The following ACVR1C variants were observed in gnomAD, a reference collection of about 807,000 sequenced individuals.
ACVR1C encodes activin A receptor type 1C.
In ACVR1C, 23 loss-of-function variants were observed where a neutral mutation model predicts 57.9. The ratio of observed to expected loss-of-function variants is 0.40; its 90% confidence interval spans 0.29 to 0.56. ACVR1C has a LOEUF of 0.56. Among genes scored for constraint, ACVR1C ranks in the 20% least tolerant of loss-of-function variants. ACVR1C has a pLI of 0.50. For synonymous variants in ACVR1C, 214 were observed against 215.3 expected (o/e 0.99, Z 0.05); for missense variants, 480 against 607.9 (o/e 0.79, Z 2.21).
In ACVR1C at chr2:157,527,170, T is replaced by C. The variant is rs1265666387; in HGVS notation, c.*6748A>G. The C allele has an allele frequency of 6.6e-6, 1 of 152,170 alleles. No homozygotes were observed. Among genetic ancestry groups the C allele is most frequent in the Non-Finnish European group, 1.5e-5 (1 of 68,016 alleles). 9.4% of individuals were successfully genotyped at this position (152,170 alleles called of 1,614,324 possible). On this transcript the variant is annotated 3_prime_UTR_variant, in exon 9 of 9. Transcript: ENST00000243349. ...TTCATTTCTCTTTGGAGTTTGAAAT[T>C]CTCTTCACCTTCCACATTTAAATTA...
rs1206921026 is a variant in ACVR1C, at chr2:157,534,464, A to C, written c.1357-421T>G. Among the ~76,000 whole-genome samples, 5 of 152,198 alleles carry C rather than the reference A, an allele frequency of 3.3e-5. No homozygotes were observed. The South Asian group carries it at 8.3e-4, about 25-fold the overall frequency. On this transcript the variant is annotated intron_variant, in intron 8 of 8. Coordinates refer to ENST00000243349, the MANE Select transcript of ACVR1C (RefSeq NM_145259.3). ...TGTTTCAATCCACTGATTTCTGGGA[A>C]TATGGGACATGAAAAACATCAAGGG...
intron 2 of ACVR1C, among the ~76,000 whole-genome samples, chr2:157,581,914 A>T (rs1301357094): frequency 1.3e-5 from 2 of 152,184 alleles, no homozygotes; most frequent in African/African-American, 4.8e-5. Context: ...CTACAGGCAG[A>T]GGGGGAGATG....
chr2:157,599,088 A>G (rs1011412056), intron 1 of ACVR1C, among the ~76,000 whole-genome samples: 3 of 152,016 alleles, frequency 2.0e-5, no homozygotes, highest in Non-Finnish European at 2.9e-5. Context: ...TAATACCAGC[A>G]CTTTGGGAGG....
At chr2:157,626,398 C>A (rs891106259) in intron 1 of ACVR1C, among the ~76,000 whole-genome samples, 10 of 152,334 alleles carry the variant, frequency 6.6e-5, no homozygotes, top group Admixed American at 6.5e-4. Flanking sequence ...GGGGAATGAG[C>A]AGCCAAAGTA....
At position 157,614,015 on chromosome 2, in the gene ACVR1C, C is replaced by T. The variant is rs1367666155; in HGVS notation, c.73+14557G>A. Among the ~76,000 whole-genome samples, 13 of 152,120 alleles carry T rather than the reference C, an allele frequency of 8.5e-5. No individual in the cohort carries two copies. In the South Asian group the frequency reaches 1.0e-3, roughly 12 times the overall value. Reference sequence around the variant, plus strand: ...GACTTTTTTGTTAGATGTTTTCAAGCTTTGAGCTATAAAATGAATGTCTTT... The same window carrying T: ...GACTTTTTTGTTAGATGTTTTCAAGTTTTGAGCTATAAAATGAATGTCTTT... On this transcript the variant is annotated intron_variant, in intron 1 of 8. Coordinates refer to ENST00000243349, the MANE Select transcript of ACVR1C (RefSeq NM_145259.3).
At chr2:157,566,907 G>T (rs1424347288) in intron 2 of ACVR1C, among the ~76,000 whole-genome samples, 3 of 149,982 alleles carry the variant, frequency 2.0e-5, no homozygotes, top group East Asian at 2.0e-4. Context: ...TCCACCTCTG[G>T]GGGCAGGGCA....
chr2:157,604,454 A>G (rs1682349569), intron 1 of ACVR1C, among the ~76,000 whole-genome samples: 1 of 152,000 alleles, frequency 6.6e-6, no homozygotes, highest in African/African-American at 2.4e-5. Flanking sequence ...ATGCATATAC[A>G]ACCATTTGTT....
chr2:157,588,848 CAT>C (rs71402394), intron 1 of ACVR1C, among the ~76,000 whole-genome samples: 6,977 of 89,008 alleles, frequency 0.078, 321 homozygotes, highest in Admixed American at 0.17. Context: ...ACAAACACAC[CAT>C]ATATATATAT....
chr2:157,527,622 T>C lies in ACVR1C; in HGVS notation c.*6296A>G, dbSNP rs1687258361. On this transcript the variant is annotated 3_prime_UTR_variant, in exon 9 of 9. Coordinates refer to ENST00000243349, the MANE Select transcript of ACVR1C (RefSeq NM_145259.3). The stretch of plus-strand genomic sequence containing the variant: ...CAAGTTTGAATAATCTTCTCCAGTC[T>C]AGAATCAGAAGAGTACATGAGCTTG... 1 of 152,172 alleles carries C rather than the reference T, an allele frequency of 6.6e-6. No homozygotes were observed. Among genetic ancestry groups the C allele is most frequent in the Non-Finnish European group, 1.5e-5 (1 of 68,028 alleles). 9.4% of individuals were successfully genotyped at this position (152,172 alleles called of 1,614,324 possible).
At chr2:157,545,164 A>G (rs1211939863) in intron 4 of ACVR1C, among the ~76,000 whole-genome samples, 1 of 152,218 alleles carries the variant, frequency 6.6e-6, no homozygotes, top group African/African-American at 2.4e-5. Context: ...GACATTTTCA[A>G]ATAATTTACC....
intron 2 of ACVR1C, among the ~76,000 whole-genome samples, chr2:157,585,839 C>T (rs1688910292): frequency 6.6e-6 from 1 of 152,156 alleles, no homozygotes; most frequent in South Asian, 2.1e-4. Context: ...AAATCCACGA[C>T]TGCAAGTAGT....
intron 2 of ACVR1C, among the ~76,000 whole-genome samples, chr2:157,572,347 C>T (rs1398019499): frequency 2.1e-5 from 3 of 145,662 alleles, no homozygotes; most frequent in African/African-American, 7.7e-5. Context: ...GCACATGTAC[C>T]CCAAAACTTA....
chr2:157,550,460 G>C (rs1162160324), intron 3 of ACVR1C, 68 bp from the exon 4 acceptor site: 1 of 1,413,010 alleles, frequency 7.1e-7, no homozygotes, highest in Non-Finnish European at 9.8e-7. Flanking sequence ...AATAATCACT[G>C]TTTTCAGATT....
chr2:157,547,517 G>A (rs1558971713), intron 4 of ACVR1C, among the ~76,000 whole-genome samples: 1 of 138,298 alleles, frequency 7.2e-6, no homozygotes, highest in African/African-American at 2.7e-5. Flanking sequence ...ATTCTAACTG[G>A]TGTGAGATGG....
intron 1 of ACVR1C, among the ~76,000 whole-genome samples, chr2:157,610,586 A>C (rs1430064213): frequency 6.6e-6 from 1 of 152,164 alleles, no homozygotes; most frequent in Non-Finnish European, 1.5e-5. Context: ...ATCTCTTGCT[A>C]GACTTGGAAA....
rs1265231421 is a variant in ACVR1C at position 157,538,018 on chromosome 2, G to C, written c.1356+555C>G. ...TGAGGTATAACTTATTGAATGTAAA[G>C]ATGGTTGGAATTGTAATATTCTGTG... On this transcript the variant is annotated intron_variant, in intron 8 of 8. Transcript: ENST00000243349. Among the ~76,000 whole-genome samples the C allele has an allele frequency of 2.0e-5, 3 of 152,188 alleles. No individual in the cohort carries two copies. The South Asian group carries it at 6.2e-4, about 32-fold the overall frequency.
chr2:157,577,073 T>C (rs1688676598), intron 2 of ACVR1C, among the ~76,000 whole-genome samples: 1 of 45,264 alleles, frequency 2.2e-5, no homozygotes, highest in South Asian at 4.2e-4. Flanking sequence ...GCCAGGATGG[T>C]CTCGATCTCC....
At chr2:157,560,584 G>A (rs1688210975) in intron 2 of ACVR1C, among the ~76,000 whole-genome samples, 1 of 152,168 alleles carries the variant, frequency 6.6e-6, no homozygotes, top group South Asian at 2.1e-4. Flanking sequence ...GCTGTGGCCT[G>A]CATCAACCAA....
chr2:157,549,388 A>G (rs537244121), intron 4 of ACVR1C, among the ~76,000 whole-genome samples: 50 of 152,074 alleles, frequency 3.3e-4, no homozygotes, highest in Non-Finnish European at 7.2e-4. Context: ...AAAAGTTCCA[A>G]TGATACTCCT....
Sources: allele counts gnomAD v4.1 joint callset (sites outside exome capture counted in the v4.1 genomes callset), GRCh38; gene constraint gnomAD v4.1.1; transcripts MANE v1.5; gene names NCBI Gene and HGNC (gene_info 2026-07-23, HGNC 2026-07-21).